TMEM201: variants seen among roughly 807,000 people sequenced by gnomAD.
The protein encoded by TMEM201 is transmembrane protein 201.
Under a neutral mutation model 63.4 loss-of-function variants are expected in TMEM201, and 26 were observed. The observed-to-expected ratio is 0.41, with a 90% CI of 0.30 to 0.57. TMEM201 has a LOEUF of 0.57. TMEM201 is among the 20% of genes least tolerant of loss of function. The probability of loss-of-function intolerance (pLI) is 0.29; values close to 1 mark genes in which losing one functional copy is unlikely to be tolerated. For missense variants in TMEM201, 794 were observed against 917.7 expected, an observed-to-expected ratio of 0.87 and a Z score of 1.74; for synonymous variants, 417 against 421.6, an observed-to-expected ratio of 0.99 and a Z score of 0.14.
At chr1:9,599,708 C>A (rs1404718617) in intron 4 of TMEM201, among the ~76,000 whole-genome samples, 1 of 149,312 alleles carries the variant, frequency 6.7e-6, no homozygotes, top group Non-Finnish European at 1.5e-5. Flanking sequence ...CTGCAAGCTC[C>A]GCCTCCCGGG....
At position 9,602,269 on chromosome 1, in the gene TMEM201, G is replaced by A. The variant is rs536284149; in HGVS notation, c.1157G>A (p.Arg386Gln). 21 of 1,610,894 alleles carry A rather than the reference G, an allele frequency of 1.3e-5. 1 individual carries two copies. Among genetic ancestry groups the A allele is most frequent in the Middle Eastern group, 4.1e-4 (2 of 4,854 alleles). The change falls in exon 6 of 11, where the codon CGA becomes CAA. Residue 386 changes from arginine to glutamine, a missense_variant. Coordinates refer to ENST00000340381, the MANE Select transcript of TMEM201 (RefSeq NM_001130924.3). ...KATGPRRFRP[R>Q]RFFPGDSAGL... Reference sequence around the variant, plus strand: ...ACGGGCCCACGGAGGTTCCGGCCCCGAAGGTCAGAGAAGCAGCCATGACTG... The same window carrying A: ...ACGGGCCCACGGAGGTTCCGGCCCCAAAGGTCAGAGAAGCAGCCATGACTG...
At position 9,603,309 on chromosome 1, in the gene TMEM201, TG is replaced by T. The variant is rs1206487701; in HGVS notation, c.1160+1040del. ...GAGGTGGACCCCTCTCCATAGCCCT[TG>T]GGTGCCAGCTCAGTGGGTGTGGGGA... On this transcript the variant is annotated intron_variant, in intron 6 of 10. Transcript: ENST00000340381. The surrounding 1 kb of genome is among the most constrained non-coding windows in gnomAD (Gnocchi z 4.5). 3 of 984,736 alleles carry T rather than the reference TG, an allele frequency of 3.0e-6. No homozygotes were observed. Among genetic ancestry groups the T allele is most frequent in the Non-Finnish European group, 2.4e-6 (2 of 829,408 alleles). 61.0% of individuals were successfully genotyped at this position (984,736 alleles called of 1,614,324 possible). A position where few individuals can be genotyped will look rare whatever the true frequency, so the allele number is the denominator to read the frequency against.
chr1:9,601,072 T>C (rs373469079), intron 4 of TMEM201, 33 bp from the exon 5 acceptor site: 4 of 1,548,632 alleles, frequency 2.6e-6, no homozygotes, highest in Non-Finnish European at 1.8e-6. Flanking sequence ...TCTGTGGCCG[T>C]CTCACTAACC....
rs772769084 is a variant in TMEM201, at chr1:9,595,909, A to G, written c.133A>G (p.Met45Val). 6.2e-7 allele frequency: 1 copy of G among 1,613,570 alleles called. No individual in the cohort carries two copies. Among genetic ancestry groups the G allele is most frequent in the East Asian group, 2.2e-5 (1 of 44,878 alleles). ...CCACAGGATGAAGCCAACGCACACG[A>G]TGGTCAACTGCTGGTTCTGCAACCA... Reference protein sequence around the residue: ...IARRMKPTHTMVNCWFCNQDT... With the variant: ...IARRMKPTHTVVNCWFCNQDT... Residue 45 changes from methionine (M) to valine (V), a missense_variant, in exon 2 of 11, where the codon ATG becomes GTG. Transcript: ENST00000340381.
At position 9,602,860 on chromosome 1, in the gene TMEM201, A is replaced by G. The variant is rs375768620; in HGVS notation, c.1160+588A>G. On this transcript the variant is annotated intron_variant, in intron 6 of 10. Coordinates refer to ENST00000340381, the MANE Select transcript of TMEM201 (RefSeq NM_001130924.3). Reference sequence around the variant, plus strand: ...CTTATGGCTGGACCGGCCCTGCAGGAGGTGGTGGAGCCGTGAAGGAGGCCG... The same window carrying G: ...CTTATGGCTGGACCGGCCCTGCAGGGGGTGGTGGAGCCGTGAAGGAGGCCG... 1.1e-3 allele frequency: 1,112 copies of G among 985,454 alleles called. 11 individuals are homozygous for G. The African/African-American group carries it at 0.018, about 16-fold the overall frequency. 61.0% of individuals were successfully genotyped at this position (985,454 alleles called of 1,614,324 possible). A position where few individuals can be genotyped will look rare whatever the true frequency, so the allele number is the denominator to read the frequency against.
At chr1:9,593,329 G>A (rs1025668657) in intron 1 of TMEM201, among the ~76,000 whole-genome samples, 2 of 152,190 alleles carry the variant, frequency 1.3e-5, no homozygotes, top group Non-Finnish European at 2.9e-5. Context: ...GCTCCCCATC[G>A]ACCCCTGGCC....
chr1:9,589,608 G>A (rs1643886847), intron 1 of TMEM201, among the ~76,000 whole-genome samples: 2 of 152,244 alleles, frequency 1.3e-5, no homozygotes, highest in South Asian at 4.1e-4. Context: ...GGTGGGCAAG[G>A]CCTGAGATGC....
Position 9,607,915 on chromosome 1 carries a change from C to G in TMEM201, c.1393+126C>G. On this transcript the variant is annotated intron_variant, in intron 7 of 10. Transcript: ENST00000340381. The surrounding 1 kb of genome is among the most constrained non-coding windows in gnomAD (Gnocchi z 5.4). ...GTTCCTGCTGCAGAGACAGGCAGCA[C>G]AGAGCTTTGAGCCTCAGTTCCCCCC... The G allele has an allele frequency of 1.1e-6, 1 of 929,268 alleles. No homozygotes were observed. The highest frequency in any genetic ancestry group is 1.6e-6 in the Non-Finnish European group (1 of 631,794). The allele number at this position is 929,268 out of a possible 1,614,324, so 57.6% of individuals were successfully genotyped here.
intron 1 of TMEM201, among the ~76,000 whole-genome samples, chr1:9,595,508 C>A (rs1644000877): frequency 6.6e-6 from 1 of 152,068 alleles, no homozygotes; most frequent in Non-Finnish European, 1.5e-5. Flanking sequence ...TTTGGCCAGC[C>A]CTGGCCCCTG....
intron 1 of TMEM201, among the ~76,000 whole-genome samples, chr1:9,593,685 C>T (rs1298685153): frequency 6.6e-6 from 1 of 152,238 alleles, no homozygotes; most frequent in Non-Finnish European, 1.5e-5. Flanking sequence ...AAGCCACAGC[C>T]CCTGCTCAGC....
At chr1:9,612,236 G>A (rs1644334256) in intron 10 of TMEM201, among the ~76,000 whole-genome samples, 1 of 152,248 alleles carries the variant, frequency 6.6e-6, no homozygotes, top group South Asian at 2.1e-4. Flanking sequence ...GCCCGTGGCT[G>A]GCATTTAGGA....
chr1:9,611,356 C>G (rs1043290482), intron 9 of TMEM201, among the ~76,000 whole-genome samples: 1 of 152,136 alleles, frequency 6.6e-6, no homozygotes, highest in Non-Finnish European at 1.5e-5. Context: ...CGCCACCATG[C>G]CTGGCTAATT....
At position 9,605,091 on chromosome 1, in the gene TMEM201, A is replaced by C. The variant is rs1206548234; in HGVS notation, c.1161-2466A>C. ...TTTGGGAGCCAGTGACAATGACACC[A>C]GCTGGCTCGGGGCCCGGCTCGCCTC... On this transcript the variant is annotated intron_variant, in intron 6 of 10. Transcript: ENST00000340381. This position sits in a 1 kb window ranked among gnomAD's most constrained non-coding sequence, Gnocchi z 5.7. The C allele has an allele frequency of 2.2e-6, 2 of 895,930 alleles. No individual in the cohort carries two copies. Among genetic ancestry groups the C allele is most frequent in the Non-Finnish European group, 2.7e-6 (2 of 748,212 alleles). The allele number at this position is 895,930 out of a possible 1,614,324, so 55.5% of individuals were successfully genotyped here.
rs1182967965 is a variant in TMEM201, at chr1:9,613,002, C to T, written c.1920C>T (p.Ser640=). 1 of 1,551,500 alleles carries T rather than the reference C, an allele frequency of 6.4e-7. No homozygotes were observed. Among genetic ancestry groups the T allele is most frequent in the Non-Finnish European group, 8.7e-7 (1 of 1,147,006 alleles). ...AATWRGRFGP[S]LVRGLLAVSL... ...GCTTTGCAGGTCGTTTCGGCCCTTC[C>T]CTGGTCCGGGGCCTCCTGGCCGTGA... The change falls in exon 11 of 11, where the codon TCC becomes TCT. Residue 640 remains serine (S), a synonymous_variant. Coordinates refer to ENST00000340381, the MANE Select transcript of TMEM201 (RefSeq NM_001130924.3).
intron 9 of TMEM201, chr1:9,611,056 C>T (rs1209915881): frequency 2.0e-6 from 3 of 1,520,540 alleles, no homozygotes; most frequent in Admixed American, 2.0e-5. Flanking sequence ...TGATCGAAAA[C>T]ACATCACGCA....
intron 1 of TMEM201, among the ~76,000 whole-genome samples, chr1:9,590,403 G>A (rs529831984): frequency 6.6e-6 from 1 of 152,296 alleles, no homozygotes; most frequent in Non-Finnish European, 1.5e-5. Context: ...GATGGGGGGT[G>A]TTGCCTCAAG....
At chr1:9,597,651 G>A (rs992189115) in intron 3 of TMEM201, among the ~76,000 whole-genome samples, 1 of 152,208 alleles carries the variant, frequency 6.6e-6, no homozygotes, top group Non-Finnish European at 1.5e-5. Flanking sequence ...GGCCAGCCCA[G>A]GGAGTCCTGT....
At position 9,604,640 on chromosome 1, in the gene TMEM201, C is replaced by T. The variant is rs1167271751; in HGVS notation, c.1160+2368C>T. The T allele has an allele frequency of 1.2e-5, 12 of 985,416 alleles. No homozygotes were observed. The highest frequency in any genetic ancestry group is 5.2e-4 in the Middle Eastern group (1 of 1,938). 61.0% of individuals were successfully genotyped at this position (985,416 alleles called of 1,614,324 possible). ...TGGGTGACCGTCCCTGAGACATAAG[C>T]GAGGTAGATTCAGCCATCCTCACCC... On this transcript the variant is annotated intron_variant, in intron 6 of 10. Coordinates refer to ENST00000340381, the MANE Select transcript of TMEM201 (RefSeq NM_001130924.3). The surrounding 1 kb of genome is among the most constrained non-coding windows in gnomAD (Gnocchi z 4.1).
chr1:9,591,241 G>A lies in TMEM201; in HGVS notation c.113+2198G>A, dbSNP rs140333741. ...TGTCTCCTCATGAAACTGCCAGGGC[G>A]GGCTCTACTGTTCTCCCATTTTACA... is the stretch of plus-strand genomic sequence containing the variant. On this transcript the variant is annotated intron_variant, in intron 1 of 10. Transcript: ENST00000340381. 6.2e-4 allele frequency among the ~76,000 whole-genome samples: 94 copies of A among 152,334 alleles called. 2 individuals carry two copies. The highest frequency in any genetic ancestry group is 5.6e-3 in the Admixed American group (86 of 15,306).
Sources: gnomAD v4.1 joint callset for allele counts (sites outside exome capture counted in the v4.1 genomes callset) on GRCh38, gnomAD v4.1.1 for gene constraint, Gnocchi (gnomAD v3.1) non-coding constraint, MANE v1.5 for transcripts, NCBI Gene and HGNC (gene_info 2026-07-23, HGNC 2026-07-21) for gene names.